The following ZBTB2 variants were observed in gnomAD, a reference collection of about 807,000 sequenced individuals.
The protein encoded by ZBTB2 is zinc finger and BTB domain containing 2.
ZBTB2 carries 2 observed loss-of-function variants against 39.5 expected under a neutral mutation model. The observed-to-expected ratio is 0.05, with a 90% CI of 0.02 to 0.16. ZBTB2 has a LOEUF of 0.16. Among genes scored for constraint, ZBTB2 ranks in the 10% least tolerant of loss-of-function variants. ZBTB2 has a pLI of 1.00. For missense variants in ZBTB2, 391 were observed against 653.0 expected (o/e 0.60, Z 4.37); for synonymous variants, 251 against 256.6 (o/e 0.98, Z 0.21).
chr6:151,391,260 G>A (rs990109259), intron 1 of ZBTB2, among the ~76,000 whole-genome samples, 160 bp downstream of exon 1: 2 of 151,840 alleles, frequency 1.3e-5, no homozygotes, highest in South Asian at 4.1e-4. Context: ...TGCACCCGTA[G>A]CCCTGGTACG....
intron 1 of ZBTB2, among the ~76,000 whole-genome samples, chr6:151,382,927 ATTT>A (rs202174921): frequency 1.4e-5 from 2 of 141,682 alleles, no homozygotes; most frequent in Admixed American, 7.1e-5. Flanking sequence ...GTTGTATCTA[ATTT>A]TTTTTTTTTT....
chr6:151,388,359 C>A (rs978391347), intron 1 of ZBTB2, among the ~76,000 whole-genome samples: 8 of 152,162 alleles, frequency 5.3e-5, no homozygotes, highest in Non-Finnish European at 4.4e-5. Flanking sequence ...AAGGGCAGTT[C>A]CCACCTCTAA....
At chr6:151,369,055 G>T (rs541555361) in intron 2 of ZBTB2, among the ~76,000 whole-genome samples, 2 of 152,140 alleles carry the variant, frequency 1.3e-5, no homozygotes, top group Non-Finnish European at 2.9e-5. Flanking sequence ...GAACCACCGC[G>T]CCTGGCTGAC....
intron 1 of ZBTB2, among the ~76,000 whole-genome samples, chr6:151,375,633 T>C (rs1778889952): frequency 6.6e-6 from 1 of 152,232 alleles, no homozygotes. Flanking sequence ...CTCAGCTCAC[T>C]GCAACCTCCA....
intron 1 of ZBTB2, among the ~76,000 whole-genome samples, chr6:151,384,695 GT>G (rs1779116326): frequency 6.6e-6 from 1 of 152,168 alleles, no homozygotes; most frequent in South Asian, 2.1e-4. Context: ...CACATGTTGG[GT>G]TTGAGATACT....
intron 1 of ZBTB2, among the ~76,000 whole-genome samples, chr6:151,374,943 A>C (rs558453843): frequency 3.3e-4 from 49 of 150,542 alleles, no homozygotes; most frequent in Admixed American, 2.4e-3. Context: ...AAAAAAAAAA[A>C]AAAAAAAAAA....
chr6:151,377,334 C>T (rs952771107), intron 1 of ZBTB2, among the ~76,000 whole-genome samples: 6 of 151,252 alleles, frequency 4.0e-5, no homozygotes, highest in African/African-American at 9.7e-5. Context: ...TTCTTGCAGC[C>T]GCATGACTCT....
At chr6:151,387,180 G>A (rs1046206616) in intron 1 of ZBTB2, among the ~76,000 whole-genome samples, 1 of 152,112 alleles carries the variant, frequency 6.6e-6, no homozygotes, top group Non-Finnish European at 1.5e-5. Context: ...CTTAAAAGTT[G>A]GTTGTGTAAT....
rs1280430564 is a variant in ZBTB2, at chr6:151,366,729, G to T, written c.337C>A (p.Leu113Ile). 1 of 1,614,142 alleles carries T rather than the reference G, an allele frequency of 6.2e-7. No homozygotes were observed. ...HAYPLIQEASLASQGAFSHPD... is the reference protein window; with the variant it reads ...HAYPLIQEASIASQGAFSHPD... ...TGAGAAAAGGCTCCCTGGCTGGCGA[G>T]GCTGGCTTCCTGAATGAGCGGGTAG... Residue 113 changes from leucine (L) to isoleucine (I), a missense_variant, in exon 3 of 3, where the codon CTC becomes ATC. Physicochemically the swap from Leu to Ile is conservative, Grantham distance 5. Around this residue, in one of 7 missense-constraint regions of ZBTB2, gnomAD observed 175 missense variants for 198.6 expected, o/e 0.88. Coordinates refer to ENST00000325144, the MANE Select transcript of ZBTB2 (RefSeq NM_020861.3). This position sits in a 1 kb window ranked among gnomAD's most constrained non-coding sequence, Gnocchi z 7.1.
intron 2 of ZBTB2, among the ~76,000 whole-genome samples, chr6:151,371,394 A>T (rs559810350): frequency 3.9e-4 from 60 of 152,338 alleles, no homozygotes; most frequent in African/African-American, 1.4e-3. Context: ...CTTATAAAGG[A>T]GCACAATTAA....
chr6:151,373,391 G>A (rs922173262), intron 2 of ZBTB2, 74 bp downstream of exon 2: 5 of 1,543,342 alleles, frequency 3.2e-6, no homozygotes, highest in Non-Finnish European at 4.5e-6. Context: ...GAGACCCATG[G>A]TCTTGATGAG....
intron 1 of ZBTB2, among the ~76,000 whole-genome samples, chr6:151,374,930 TAA>T (rs71556221): frequency 1.4e-4 from 9 of 63,842 alleles, no homozygotes; most frequent in African/African-American, 2.9e-4. Context: ...CCGTCTCTAC[TAA>T]AAAAAAAAAA....
At chr6:151,381,830 C>T (rs2114874349) in intron 1 of ZBTB2, among the ~76,000 whole-genome samples, 1 of 152,322 alleles carries the variant, frequency 6.6e-6, no homozygotes, top group Non-Finnish European at 1.5e-5. Context: ...GGCTCTTACA[C>T]ATAAATACAC....
intron 1 of ZBTB2, among the ~76,000 whole-genome samples, chr6:151,386,339 G>A (rs1239998480): frequency 6.6e-6 from 1 of 152,164 alleles, no homozygotes. Context: ...GAGCCCCGGA[G>A]ACCAGCCTGC....
At chr6:151,380,035 G>A (rs2114871736) in intron 1 of ZBTB2, among the ~76,000 whole-genome samples, 1 of 151,960 alleles carries the variant, frequency 6.6e-6, no homozygotes, top group South Asian at 2.1e-4. Context: ...GAGTCTACTA[G>A]TTATTTTAGA....
At chr6:151,367,890 T>A (rs1390378654) in intron 2 of ZBTB2, among the ~76,000 whole-genome samples, 1 of 152,190 alleles carries the variant, frequency 6.6e-6, no homozygotes, top group South Asian at 2.1e-4. Context: ...ATGAAGAGGT[T>A]CCCAAGAACT....
intron 1 of ZBTB2, among the ~76,000 whole-genome samples, chr6:151,391,148 C>T (rs1192602574): frequency 6.6e-6 from 1 of 151,224 alleles, no homozygotes; most frequent in African/African-American, 2.4e-5. Context: ...GTCAAGCGGC[C>T]AGAGCCCCGG....
intron 1 of ZBTB2, chr6:151,378,142 C>T (rs1778957381): frequency 6.6e-6 from 1 of 152,230 alleles, no homozygotes; most frequent in Non-Finnish European, 1.5e-5. Context: ...ACTCCCTACT[C>T]TCCCTTCCTG....
At chr6:151,379,673 T>C (rs1290895732) in intron 1 of ZBTB2, among the ~76,000 whole-genome samples, 1 of 135,530 alleles carries the variant, frequency 7.4e-6, no homozygotes, top group Non-Finnish European at 1.6e-5. Flanking sequence ...AAAAAAGAAA[T>C]CTATAAAACT....
Sources: gnomAD v4.1 joint callset for allele counts (sites outside exome capture counted in the v4.1 genomes callset) on GRCh38, gnomAD v4.1.1 for gene constraint, gnomAD v4.1.1 regional missense constraint, Gnocchi (gnomAD v3.1) non-coding constraint, MANE v1.5 for transcripts, NCBI Gene and HGNC (gene_info 2026-07-23, HGNC 2026-07-21) for gene names.